Variants in USP32 observed in about 807,000 individuals in gnomAD.
The protein encoded by USP32 is ubiquitin specific peptidase 32, also known as ubiquitin carboxyl-terminal hydrolase 32.
Under a neutral mutation model 204.8 loss-of-function variants are expected in USP32, and 59 were observed. The ratio of observed to expected loss-of-function variants is 0.29; its 90% CI spans 0.23 to 0.36. The LOEUF is 0.36. Ranked by LOEUF, USP32 falls within the 10% of genes least tolerant of loss-of-function variation. The pLI is 1.00. For missense variants in USP32, 1,160 were observed against 1,946.4 expected (o/e 0.60, Z 7.60); for synonymous variants, 517 against 678.4 (o/e 0.76, Z 3.70).
At chr17:60,232,546 ATTTTTTTT>A (rs11344960) in intron 12 of USP32, among the ~76,000 whole-genome samples, 2 of 100,710 alleles carry the variant, frequency 2.0e-5, no homozygotes, top group African/African-American at 6.8e-5. Flanking sequence ...GAGAAATTTG[ATTTTTTTT>A]TTTTTTTTTT....
At chr17:60,242,512 G>A (rs1355377543) in intron 11 of USP32, among the ~76,000 whole-genome samples, 1 of 152,188 alleles carries the variant, frequency 6.6e-6, no homozygotes, top group African/African-American at 2.4e-5. Flanking sequence ...CTGGGCTCAA[G>A]TGATTCTCCT....
intron 1 of USP32, among the ~76,000 whole-genome samples, chr17:60,407,821 G>A (rs2089990240): frequency 6.6e-6 from 1 of 150,642 alleles, no homozygotes; most frequent in South Asian, 2.1e-4. Flanking sequence ...AAACAGGCCG[G>A]GTGCAGTGGC....
intron 9 of USP32, among the ~76,000 whole-genome samples, chr17:60,255,518 T>G (rs573978481): frequency 6.6e-6 from 1 of 152,282 alleles, no homozygotes; most frequent in East Asian, 1.9e-4. Flanking sequence ...CAGGCTGGTC[T>G]TGAACTCCTG....
chr17:60,246,627 C>G (rs1364663100), intron 11 of USP32, among the ~76,000 whole-genome samples: 1 of 152,106 alleles, frequency 6.6e-6, no homozygotes, highest in Non-Finnish European at 1.5e-5. Context: ...ATACTGTTTT[C>G]CATATTGACT....
intron 1 of USP32, among the ~76,000 whole-genome samples, chr17:60,411,582 C>G (rs2090018769): frequency 6.8e-6 from 1 of 146,528 alleles, no homozygotes; most frequent in Non-Finnish European, 1.5e-5. Context: ...ACTATGTTCC[C>G]CTGGCTGGTC....
chr17:60,208,759 G>C lies in USP32; in HGVS notation c.2668C>G (p.Gln890Glu), dbSNP rs775211896. 6.5e-5 allele frequency: 105 copies of C among 1,608,708 alleles called. No homozygotes were observed. The highest frequency in any genetic ancestry group is 8.3e-5 in the Non-Finnish European group (98 of 1,177,914). The stretch of plus-strand genomic sequence containing the variant: ...TGCCCACATGTCTTGCATTTTACTT[G>C]AGATCTTAGCTGCCCATGGAACAAA... ...VDLFHGQLRS[Q>E]VKCKTCGHIS... The change falls in exon 23 of 34, where the codon CAA (glutamine) becomes GAA (glutamate). Residue 890 changes from glutamine to glutamate, a missense_variant. This residue lies in a region of USP32 where 132 missense variants were observed against 432.8 expected (regional missense o/e 0.30). Transcript: ENST00000300896.
In USP32 at chr17:60,349,618, TATATATTATATATATATATATATATTA is replaced by T. The variant is rs1484360949; in HGVS notation, c.59-4037_59-4011del. On this transcript the variant is annotated intron_variant, in intron 1 of 33. Coordinates refer to ENST00000300896, the MANE Select transcript of USP32 (RefSeq NM_032582.4). ...AAAAATATATATATATATATATATA[TATATATTATATATATATATATATATTA>T]TATATATACATATATATACACATAT... Among the ~76,000 whole-genome samples the T allele has an allele frequency of 1.2e-3, 80 of 69,466 alleles. 1 individual carries two copies. Among genetic ancestry groups the T allele is most frequent in the African/African-American group, 8.8e-3 (76 of 8,660 alleles). The allele number at this position is 69,466 out of a possible 152,430, so 45.6% of individuals were successfully genotyped here. A position where few individuals can be genotyped will look rare whatever the true frequency, so the allele number is the denominator to read the frequency against.
Position 60,206,025 on chromosome 17 carries a change from A to G in USP32, c.3038-367T>C, listed in dbSNP as rs556586345. Among the ~76,000 whole-genome samples the G allele has an allele frequency of 1.4e-4, 21 of 152,264 alleles. No individual in the cohort carries two copies. In the South Asian group the frequency reaches 3.5e-3, roughly 26 times the overall value. On this transcript the variant is annotated intron_variant, in intron 25 of 33. Coordinates refer to ENST00000300896, the MANE Select transcript of USP32 (RefSeq NM_032582.4). ...TAACCTCTACCCAGATGTTGCATTT[A>G]AAATTTAAATTAGGCTGGATGAGGC...
In USP32 at chr17:60,253,640, C is replaced by G. The variant is rs563714590; in HGVS notation, c.1075-1198G>C. 2.3e-3 allele frequency among the ~76,000 whole-genome samples: 352 copies of G among 152,168 alleles called. 2 individuals are homozygous for G. The highest frequency in any genetic ancestry group is 8.0e-3 in the African/African-American group (334 of 41,512). On this transcript the variant is annotated intron_variant, in intron 10 of 33. Coordinates refer to ENST00000300896, the MANE Select transcript of USP32 (RefSeq NM_032582.4). ...AATTAGCTGGGGGTGGTGGCACACG[C>G]CTGTAATCCCAGCTACTCGGGAGGT...
At chr17:60,403,763 G>A (rs1332633028) in intron 1 of USP32, among the ~76,000 whole-genome samples, 2 of 152,180 alleles carry the variant, frequency 1.3e-5, no homozygotes, top group African/African-American at 4.8e-5. Context: ...ACATGGGCCG[G>A]GAGCAATGGC....
rs777872483 is a variant in USP32 at position 60,391,903 on chromosome 17, A to G, written c.37T>C (p.Tyr13His). The change falls in exon 1 of 34, where the codon TAC becomes CAC. Residue 13 changes from tyrosine (Y) to histidine (H), a missense_variant. This residue lies in a region of USP32 where 536 missense variants were observed against 680.9 expected (regional missense o/e 0.79). Coordinates refer to ENST00000300896, the MANE Select transcript of USP32 (RefSeq NM_032582.4). ...TCACCTCTCCTCAGCGCCTCCTCGTAGCTGAGGAATCCGATCCGTGACTCC... is the reference window on the plus strand; with the variant it reads ...TCACCTCTCCTCAGCGCCTCCTCGTGGCTGAGGAATCCGATCCGTGACTCC... Reference protein sequence around the residue: ...AKESRIGFLSYEEALRRVTDV... With the variant: ...AKESRIGFLSHEEALRRVTDV... 3.7e-6 allele frequency: 6 copies of G among 1,609,052 alleles called. No homozygotes were observed. The South Asian group carries it at 6.6e-5, about 18-fold the overall frequency.
intron 1 of USP32, among the ~76,000 whole-genome samples, chr17:60,405,452 G>A (rs183929427): frequency 4.6e-5 from 7 of 152,098 alleles, no homozygotes; most frequent in Admixed American, 1.3e-4. Context: ...CAGTCCACCC[G>A]CCTCAACCTC....
chr17:60,356,981 TA>T (rs1408885675), intron 1 of USP32, among the ~76,000 whole-genome samples: 2 of 152,294 alleles, frequency 1.3e-5, no homozygotes, highest in East Asian at 3.9e-4. Flanking sequence ...ATGGATATTA[TA>T]AAAAGAAACC....
At chr17:60,279,247 C>T (rs2086908020) in intron 5 of USP32, among the ~76,000 whole-genome samples, 1 of 152,050 alleles carries the variant, frequency 6.6e-6, no homozygotes, top group Non-Finnish European at 1.5e-5. Context: ...CACCTGTAAT[C>T]CCAGCACTTT....
intron 1 of USP32, among the ~76,000 whole-genome samples, chr17:60,415,411 A>T (rs2090052341): frequency 6.6e-6 from 1 of 152,148 alleles, no homozygotes; most frequent in African/African-American, 2.4e-5. Context: ...CAGTGTCTCC[A>T]TTTGAAGGCT....
intron 1 of USP32, among the ~76,000 whole-genome samples, chr17:60,419,816 AAATTATT>A (rs1399728753): frequency 9.8e-6 from 1 of 101,694 alleles, no homozygotes; most frequent in Non-Finnish European, 1.9e-5. Context: ...AGGTTAAAAA[AAATTATT>A]ATTATTATTA....
intron 2 of USP32, among the ~76,000 whole-genome samples, chr17:60,325,882 T>C (rs2088221607): frequency 6.8e-6 from 1 of 147,330 alleles, no homozygotes. Context: ...TGAGTTGAGA[T>C]CCCACCATTG....
chr17:60,193,041 A>C (rs776129139), intron 27 of USP32, 111 bp from the exon 28 acceptor site: 1 of 1,125,880 alleles, frequency 8.9e-7, no homozygotes, highest in African/African-American at 1.5e-5. Flanking sequence ...CCATAGCAGT[A>C]CGCTCATGTT....
At chr17:60,408,981 C>T (rs945716659) in intron 1 of USP32, among the ~76,000 whole-genome samples, 1 of 152,172 alleles carries the variant, frequency 6.6e-6, no homozygotes, top group African/African-American at 2.4e-5. Context: ...GCTTATAAAA[C>T]ATGACCCAGA....
Sources: gnomAD v4.1 joint callset for allele counts (sites outside exome capture counted in the v4.1 genomes callset) on GRCh38, gnomAD v4.1.1 for gene constraint, gnomAD v4.1.1 regional missense constraint, MANE v1.5 for transcripts, NCBI Gene and HGNC (gene_info 2026-07-23, HGNC 2026-07-21) for gene names.